The following SMARCA5 variants were observed in gnomAD, a reference collection of about 807,000 sequenced individuals.
The protein encoded by SMARCA5 is SWI/SNF-related matrix-associated actin-dependent regulator of chromatin subfamily A member 5.
In SMARCA5, 18 loss-of-function variants were observed where a neutral mutation model predicts 140.4. The ratio of observed to expected loss-of-function variants is 0.13; its 90% CI spans 0.09 to 0.19. The LOEUF (loss-of-function observed/expected upper bound fraction) is 0.19, where lower values mean the gene tolerates loss of function less well. Among genes scored for constraint, SMARCA5 ranks in the 10% least tolerant of loss-of-function variants. SMARCA5 has a pLI of 1.00. For synonymous variants in SMARCA5, 449 were observed against 419.6 expected, an observed-to-expected ratio of 1.07 and a Z score of -0.86; for missense variants, 606 against 1,276.8, an observed-to-expected ratio of 0.47 and a Z score of 8.01.
chr4:143,544,634 A>G (rs1737487466), intron 16 of SMARCA5, 103 bp from the exon 17 acceptor site: 1 of 688,624 alleles, frequency 1.5e-6, no homozygotes, highest in Non-Finnish European at 2.6e-6. Context: ...CTTATAGCCC[A>G]GGATTTTGTG....
At chr4:143,547,335 TAAAG>T (rs1247897533) in intron 20 of SMARCA5, 46 bp from the exon 21 acceptor site, 1 of 976,188 alleles carries the variant, frequency 1.0e-6, no homozygotes, top group Non-Finnish European at 1.6e-6. Context: ...TTTTTTACAT[TAAAG>T]AAATAAAAAT....
chr4:143,546,676 A>T (rs1737532171), intron 19 of SMARCA5, 100 bp from the exon 20 acceptor site: 1 of 1,071,606 alleles, frequency 9.3e-7, no homozygotes, highest in Non-Finnish European at 1.3e-6. Context: ...TTAATAAACT[A>T]GTGAAAATTT....
At position 143,536,464 on chromosome 4, in the gene SMARCA5, A is replaced by G. The variant is rs1223176716; in HGVS notation, c.1281A>G (p.Ile427Met). 1 of 1,610,866 alleles carries G rather than the reference A, an allele frequency of 6.2e-7. No homozygotes were observed. The highest frequency in any genetic ancestry group is 1.3e-5 in the African/African-American group (1 of 74,850). Residue 427 changes from isoleucine (I) to methionine (M), a missense_variant, in exon 11 of 24, where the codon ATA becomes ATG. Transcript: ENST00000283131. ...CTTCTTTGAATAGGTATACTCGGAT[A>G]TTAATGAAGGATATAGATATACTCA... ...SKMQREWYTR[I>M]LMKDIDILNS...
chr4:143,548,087 C>T lies in SMARCA5; in HGVS notation c.2932C>T (p.Arg978Cys). 6.2e-7 allele frequency: 1 copy of T among 1,612,708 alleles called. No individual in the cohort carries two copies. Among genetic ancestry groups the T allele is most frequent in the Non-Finnish European group, 8.5e-7 (1 of 1,179,110 alleles). Residue 978 changes from arginine to cysteine, a missense_variant, in exon 22 of 24, where the codon CGC (arginine) becomes TGC (cysteine). Physicochemically the swap from Arg to Cys is radical, Grantham distance 180 (BLOSUM62 -3). Transcript: ENST00000283131. ...TTATGATGAATTGCGACAGTGTATT[C>T]GCAACTCTCCTCAGTTCAGATTTGA... ...NVYDELRQCI[R>C]NSPQFRFDWF...
chr4:143,523,735 C>T (rs1219977242), intron 3 of SMARCA5, among the ~76,000 whole-genome samples: 4 of 152,164 alleles, frequency 2.6e-5, no homozygotes, highest in Admixed American at 1.3e-4. Flanking sequence ...AGAGGCATAA[C>T]GTGCCTTTTT....
At chr4:143,532,396 A>G (rs1350101407) in intron 9 of SMARCA5, among the ~76,000 whole-genome samples, 6 of 152,212 alleles carry the variant, frequency 3.9e-5, no homozygotes, top group Non-Finnish European at 5.9e-5. Context: ...ACGTAGGTAC[A>G]TCTAGGTAAA....
At chr4:143,536,055 G>A (rs1387357863) in intron 10 of SMARCA5, among the ~76,000 whole-genome samples, 1 of 152,016 alleles carries the variant, frequency 6.6e-6, no homozygotes, top group Non-Finnish European at 1.5e-5. Flanking sequence ...CACTAGCTAT[G>A]GGGTATATAG....
chr4:143,546,928 T>C lies in SMARCA5; in HGVS notation c.2653+20T>C, dbSNP rs375533635. On this transcript the variant is annotated intron_variant, in intron 20 of 23. Coordinates refer to ENST00000283131, the MANE Select transcript of SMARCA5 (RefSeq NM_003601.4). Reference sequence around the variant, plus strand: ...ATTCAGGTAATTCTTTTAAGCAGGCTGTTGGAGTTTAGTAAGAGCTGTTGG... The same window carrying C: ...ATTCAGGTAATTCTTTTAAGCAGGCCGTTGGAGTTTAGTAAGAGCTGTTGG... 12 of 1,610,162 alleles carry C rather than the reference T, an allele frequency of 7.5e-6. No individual in the cohort carries two copies. In the African/African-American group the frequency reaches 1.3e-4, roughly 18 times the overall value.
chr4:143,548,202 A>T (rs999461697), intron 22 of SMARCA5, 62 bp downstream of exon 22: 41 of 989,072 alleles, frequency 4.1e-5, no homozygotes, highest in Non-Finnish European at 5.9e-5. Flanking sequence ...CATCTTTGGT[A>T]TTCTTTAAGG....
In SMARCA5 at chr4:143,555,055, C is replaced by T. The variant is rs7378454; in HGVS notation, c.*1871C>T. The T allele has an allele frequency of 1, 564,840 of 566,380 alleles. 281,670 individuals are homozygous for T. The highest frequency in any genetic ancestry group is 1 in the Non-Finnish European group (301,084 of 301,102). The allele number at this position is 566,380 out of a possible 1,614,324, so 35.1% of individuals were successfully genotyped here. A position where few individuals can be genotyped will look rare whatever the true frequency, so the allele number is the denominator to read the frequency against. On this transcript the variant is annotated 3_prime_UTR_variant, in exon 24 of 24. Coordinates refer to ENST00000283131, the MANE Select transcript of SMARCA5 (RefSeq NM_003601.4). ...TGTCACTTCTCTGGCTTTCCTCTCC[C>T]GCTAAGCTTTTGTTTCCTGGCAGTA...
chr4:143,541,962 A>G (rs1213345382), intron 14 of SMARCA5, among the ~76,000 whole-genome samples: 1 of 151,942 alleles, frequency 6.6e-6, no homozygotes, highest in East Asian at 1.9e-4. Context: ...GGTTCAAGCA[A>G]TTCTGCTGCC....
chr4:143,513,908 G>A lies in SMARCA5; in HGVS notation c.-17G>A. ...ACTCGGGCCTCTGGCAGCAGCGGGT[G>A]ACGCAGACGGAACATCATGTCGTCC... On this transcript the variant is annotated 5_prime_UTR_variant, in exon 1 of 24. Transcript: ENST00000283131. 6 of 1,537,590 alleles carry A rather than the reference G, an allele frequency of 3.9e-6. No individual in the cohort carries two copies. The South Asian group carries it at 4.7e-5, about 12-fold the overall frequency.
chr4:143,554,623 G>T lies in SMARCA5; in HGVS notation c.*1439G>T, dbSNP rs1422275116. The T allele has an allele frequency of 6.5e-6, 1 of 152,716 alleles. No homozygotes were observed. The highest frequency in any genetic ancestry group is 2.4e-5 in the African/African-American group (1 of 41,340). 9.5% of individuals were successfully genotyped at this position (152,716 alleles called of 1,614,324 possible). On this transcript the variant is annotated 3_prime_UTR_variant, in exon 24 of 24. Transcript: ENST00000283131. ...CAAAACGCAGTATTTATGGCAAATT[G>T]TAAAGTAATTTGAATTTAGTGCTAC... is the stretch of plus-strand genomic sequence containing the variant.
At chr4:143,527,118 T>C (rs1187857650) in intron 6 of SMARCA5, among the ~76,000 whole-genome samples, 25 of 152,192 alleles carry the variant, frequency 1.6e-4, no homozygotes, top group Admixed American at 1.6e-3. Context: ...GAGTCATATA[T>C]AGTAATTTGG....
At chr4:143,551,913 T>A (rs1327812577) in intron 23 of SMARCA5, among the ~76,000 whole-genome samples, 1 of 152,104 alleles carries the variant, frequency 6.6e-6, no homozygotes, top group Admixed American at 6.6e-5. Context: ...TGTGGGTCCA[T>A]ATAAATTTTA....
chr4:143,546,685 T>C, intron 19 of SMARCA5, 91 bp from the exon 20 acceptor site: 2 of 1,224,238 alleles, frequency 1.6e-6, no homozygotes, highest in Non-Finnish European at 2.3e-6. Context: ...TAGTGAAAAT[T>C]TGTTTTTGTA....
At chr4:143,548,340 TATATG>T in intron 22 of SMARCA5, 200 bp downstream of exon 22, 1 of 395,516 alleles carries the variant, frequency 2.5e-6, no homozygotes, top group Non-Finnish European at 4.5e-6. Flanking sequence ...TAAATATCAC[TATATG>T]ATAAGACTAG....
rs201715561 is a variant in SMARCA5, at chr4:143,529,445, ATC to A, written c.1089+733_1089+734del. On this transcript the variant is annotated intron_variant, in intron 8 of 23. Transcript: ENST00000283131. ...AAGGATGACTGTCAAATTTAGTGAAATCTGTCTGGCTTTTCTTATATTATAGT... is the reference window on the plus strand; with the variant it reads ...AAGGATGACTGTCAAATTTAGTGAAATGTCTGGCTTTTCTTATATTATAGT... Among the ~76,000 whole-genome samples, 830 of 152,292 alleles carry A rather than the reference ATC, an allele frequency of 5.5e-3. 5 individuals carry two copies. Among genetic ancestry groups the A allele is most frequent in the Middle Eastern group, 6.8e-3 (2 of 294 alleles).
At chr4:143,534,413 AT>A (rs1306275023) in intron 9 of SMARCA5, among the ~76,000 whole-genome samples, 1 of 152,158 alleles carries the variant, frequency 6.6e-6, no homozygotes, top group Non-Finnish European at 1.5e-5. Flanking sequence ...GATTGGAAAT[AT>A]TTGTCCCCAA....
Sources: allele counts gnomAD v4.1 joint callset (sites outside exome capture counted in the v4.1 genomes callset), GRCh38; gene constraint gnomAD v4.1.1; transcripts MANE v1.5; gene names NCBI Gene and HGNC (gene_info 2026-07-23, HGNC 2026-07-21).